The following DAB1 variants were observed in gnomAD, a reference collection of about 807,000 sequenced individuals.
The protein encoded by DAB1 is disabled homolog 1.
A neutral mutation model predicts 64.6 loss-of-function variants in DAB1; 15 were observed. The observed-to-expected ratio is 0.23, with a 90% CI of 0.16 to 0.36. The LOEUF is 0.36. Ranked by LOEUF, DAB1 falls within the 10% of genes least tolerant of loss-of-function variation. The probability of loss-of-function intolerance (pLI) is 1.00; values close to 1 mark genes in which losing one functional copy is unlikely to be tolerated. For missense variants in DAB1, 596 were observed against 706.7 expected (o/e 0.84, Z 1.78); for synonymous variants, 235 against 251.9 (o/e 0.93, Z 0.64).
intron 2 of DAB1, among the ~76,000 whole-genome samples, chr1:57,151,103 C>T (rs1659628562): frequency 2.0e-5 from 3 of 152,110 alleles, no homozygotes; most frequent in South Asian, 2.1e-4. Context: ...ATGGCTAGAG[C>T]GATGCACTCA....
chr1:58,124,192 T>TTA lies in DAB1; in HGVS notation n.387+26317_387+26318dup, dbSNP rs112316442. On this transcript the variant is annotated intron_variant and non_coding_transcript_variant, in intron 5 of 20. Transcript: ENST00000485760. ...ATCAGATTATATATATATTCTTAGA[T>TTA]TATATATATATATATACACACACAC... Among the ~76,000 whole-genome samples, 1,281 of 148,716 alleles carry TTA rather than the reference T, an allele frequency of 8.6e-3. 24 individuals carry two copies. The highest frequency in any genetic ancestry group is 0.027 in the African/African-American group (1,076 of 40,470).
chr1:57,317,770 T>C (rs966768145), intron 1 of DAB1, among the ~76,000 whole-genome samples: 1 of 152,140 alleles, frequency 6.6e-6, no homozygotes, highest in Non-Finnish European at 1.5e-5. Flanking sequence ...TACAGGTACA[T>C]CAACACTTGA....
chr1:57,372,622 C>A (rs1680588710), intron 1 of DAB1, among the ~76,000 whole-genome samples: 1 of 152,136 alleles, frequency 6.6e-6, no homozygotes, highest in Non-Finnish European at 1.5e-5. Context: ...TTTTCACAGA[C>A]CTTGCCTTCA....
intron 1 of DAB1, among the ~76,000 whole-genome samples, chr1:57,842,034 GT>G (rs746412853): frequency 2.0e-5 from 3 of 152,064 alleles, no homozygotes; most frequent in Non-Finnish European, 4.4e-5. Flanking sequence ...CCAATTCTTT[GT>G]GAACACATAT....
chr1:58,487,532 T>C (rs941444372), intron 3 of DAB1, among the ~76,000 whole-genome samples: 2 of 152,202 alleles, frequency 1.3e-5, no homozygotes, highest in South Asian at 4.1e-4. Context: ...GTAGAACTAA[T>C]TAGTAACTAG....
intron 4 of DAB1, among the ~76,000 whole-genome samples, chr1:57,124,121 G>A (rs908738426): frequency 2.0e-5 from 3 of 152,186 alleles, no homozygotes; most frequent in Admixed American, 1.3e-4. Flanking sequence ...TAAGATTAAT[G>A]TGAGGATCAG....
At position 57,270,597 on chromosome 1, in the gene DAB1, T is replaced by C. The variant is rs957348390; in HGVS notation, c.67+20367A>G. Among the ~76,000 whole-genome samples, 9 of 152,356 alleles carry C rather than the reference T, an allele frequency of 5.9e-5. No individual in the cohort carries two copies. The East Asian group carries it at 1.3e-3, about 23-fold the overall frequency. Reference sequence around the variant, plus strand: ...AAGGTTCAAATCCAGGTCTCTTTCCTGCTAAAGCTCTTAAATACTCTTCAT... The same window carrying C: ...AAGGTTCAAATCCAGGTCTCTTTCCCGCTAAAGCTCTTAAATACTCTTCAT... On this transcript the variant is annotated intron_variant, in intron 2 of 14. Coordinates refer to ENST00000371236, the MANE Select transcript of DAB1 (RefSeq NM_001365792.1).
At chr1:57,475,640 G>A (rs376364266) in intron 7 of DAB1, among the ~76,000 whole-genome samples, 45 of 152,298 alleles carry the variant, frequency 3.0e-4, no homozygotes, top group Middle Eastern at 3.4e-3. Flanking sequence ...GCGGAGCTCC[G>A]AGAATAGGTG....
chr1:57,365,969 T>C (rs2100915419), intron 1 of DAB1, among the ~76,000 whole-genome samples: 1 of 152,302 alleles, frequency 6.6e-6, no homozygotes, highest in East Asian at 1.9e-4. Context: ...GTCTGGTTTG[T>C]GTGAGGTTGA....
chr1:57,070,144 A>G (rs541042884), intron 7 of DAB1, among the ~76,000 whole-genome samples: 55 of 152,316 alleles, frequency 3.6e-4, no homozygotes, highest in South Asian at 1.9e-3. Context: ...AGTCATCTAC[A>G]TTATTTTACT....
chr1:57,020,261 T>C (rs1430183981), intron 11 of DAB1, among the ~76,000 whole-genome samples: 1 of 152,224 alleles, frequency 6.6e-6, no homozygotes, highest in East Asian at 1.9e-4. Flanking sequence ...CTACACACTG[T>C]ATGAATAGCA....
At chr1:56,999,153 T>C (rs1645749462) in intron 14 of DAB1, among the ~76,000 whole-genome samples, 1 of 152,218 alleles carries the variant, frequency 6.6e-6, no homozygotes. Flanking sequence ...CAAAATGAAT[T>C]GGCATTCTGG....
chr1:57,230,767 A>T (rs759798306), intron 2 of DAB1, among the ~76,000 whole-genome samples: 2 of 152,162 alleles, frequency 1.3e-5, no homozygotes, highest in Admixed American at 6.5e-5. Flanking sequence ...GAACATTACA[A>T]TTCTTCTCTT....
At chr1:58,465,797 T>G (rs1418864502) in intron 3 of DAB1, among the ~76,000 whole-genome samples, 3 of 152,172 alleles carry the variant, frequency 2.0e-5, no homozygotes, top group Non-Finnish European at 4.4e-5. Context: ...GGAACCGTCA[T>G]TATCCACACT....
intron 1 of DAB1, among the ~76,000 whole-genome samples, chr1:57,867,773 A>G (rs998446152): frequency 6.6e-6 from 1 of 152,162 alleles, no homozygotes; most frequent in Non-Finnish European, 1.5e-5. Context: ...TCAAACAAGC[A>G]CACCAGATTG....
chr1:57,554,177 T>C (rs1644960393), intron 7 of DAB1, among the ~76,000 whole-genome samples: 1 of 152,144 alleles, frequency 6.6e-6, no homozygotes, highest in Non-Finnish European at 1.5e-5. Flanking sequence ...ATAGGGAAAA[T>C]ACCTCTTGTT....
At chr1:58,036,576 A>T (rs963467243) in intron 5 of DAB1, among the ~76,000 whole-genome samples, 1 of 152,236 alleles carries the variant, frequency 6.6e-6, no homozygotes, top group East Asian at 1.9e-4. Context: ...TTTTATCATC[A>T]TAACAGTAGT....
At chr1:57,013,697 C>T (rs1646335442) in intron 12 of DAB1, among the ~76,000 whole-genome samples, 1 of 152,168 alleles carries the variant, frequency 6.6e-6, no homozygotes, top group South Asian at 2.1e-4. Context: ...AACCGCCAAA[C>T]TCACTGCAGC....
At chr1:57,825,819 A>G (rs1652325769), downstream of DAB1, among the ~76,000 whole-genome samples, 1 of 152,188 alleles carries the variant, frequency 6.6e-6, no homozygotes, top group Non-Finnish European at 1.5e-5. Flanking sequence ...TGTTCAGGTC[A>G]GGTCCCACAA....
Sources: allele counts gnomAD v4.1 joint callset (sites outside exome capture counted in the v4.1 genomes callset), GRCh38; gene constraint gnomAD v4.1.1; transcripts MANE v1.5; gene names NCBI Gene and HGNC (gene_info 2026-07-23, HGNC 2026-07-21).